The following ACKR2 variants were observed in gnomAD, a reference collection of about 807,000 sequenced individuals.
ACKR2 encodes C-C chemokine receptor D6.
For synonymous variants in ACKR2, 207 were observed against 192.2 expected, an observed-to-expected ratio of 1.08 and a Z score of -0.64; for missense variants, 457 against 477.3, an observed-to-expected ratio of 0.96 and a Z score of 0.40.
intron 2 of ACKR2, among the ~76,000 whole-genome samples, chr3:42,828,092 A>ATATATATTTTTTTTTTTTTTTTTT (rs1193533555): frequency 4.1e-5 from 5 of 121,902 alleles, no homozygotes; most frequent in Non-Finnish European, 5.0e-5. Flanking sequence ...ATATATATAT[A>ATATATATTTTTTTTTTTTTTTTTT]TTTTTTTTTT....
intron 1 of ACKR2, among the ~76,000 whole-genome samples, chr3:42,814,741 T>C (rs1700732001): frequency 6.6e-6 from 1 of 152,186 alleles, no homozygotes; most frequent in East Asian, 1.9e-4. Context: ...GTCCCTGCCA[T>C]GAAATAATTT....
At chr3:42,855,470 G>A (rs531778474) in intron 2 of ACKR2, among the ~76,000 whole-genome samples, 55 of 152,278 alleles carry the variant, frequency 3.6e-4, no homozygotes, top group Non-Finnish European at 6.5e-4. Context: ...GTGATAGGAG[G>A]GAATGGTTGC....
chr3:42,825,333 G>A (rs992617193), intron 2 of ACKR2, among the ~76,000 whole-genome samples: 7 of 152,048 alleles, frequency 4.6e-5, no homozygotes, highest in African/African-American at 7.2e-5. Context: ...CTTCCAATCC[G>A]TGAACATGAA....
In ACKR2 at chr3:42,865,675, T is replaced by C. The variant is rs2088429671; in HGVS notation, c.*18T>C. On this transcript the variant is annotated 3_prime_UTR_variant, in exon 3 of 3. Coordinates refer to ENST00000422265, the MANE Select transcript of ACKR2 (RefSeq NM_001296.5). ...CAGCCTGAGTGACCAAATTTTGGTC[T>C]GGTGGGAACAGATGGGAACCAGCTC... The C allele has an allele frequency of 3.2e-6, 5 of 1,585,050 alleles. No homozygotes were observed. The highest frequency in any genetic ancestry group is 1.7e-5 in the Admixed American group (1 of 58,008).
intron 1 of ACKR2, among the ~76,000 whole-genome samples, chr3:42,817,947 T>C (rs1700770376): frequency 6.6e-6 from 1 of 152,206 alleles, no homozygotes; most frequent in Non-Finnish European, 1.5e-5. Flanking sequence ...CTGTGTCCCT[T>C]AAATATTGGT....
intron 2 of ACKR2, among the ~76,000 whole-genome samples, chr3:42,846,689 G>C (rs956236461): frequency 6.6e-6 from 1 of 152,192 alleles, no homozygotes; most frequent in Non-Finnish European, 1.5e-5. Flanking sequence ...AGCCTCAGGT[G>C]GTGGAGTCTT....
Position 42,865,324 on chromosome 3 carries a change from G to C in ACKR2, c.822G>C (p.Thr274=), listed in dbSNP as rs1056643270. ...FPYNLTLFLH[T]LLDLQVFGNC... ...ACAATCTCACCTTGTTTCTGCATAC[G>C]CTGTTGGACCTGCAAGTATTCGGGA... The change falls in exon 3 of 3, where the codon ACG becomes ACC. Residue 274 remains threonine (T), a synonymous_variant. Coordinates refer to ENST00000422265, the MANE Select transcript of ACKR2 (RefSeq NM_001296.5). The C allele has an allele frequency of 7.4e-6, 12 of 1,614,146 alleles. No homozygotes were observed. The highest frequency in any genetic ancestry group is 9.3e-6 in the Non-Finnish European group (11 of 1,180,026).
intron 2 of ACKR2, among the ~76,000 whole-genome samples, chr3:42,846,896 G>A (rs532737501): frequency 3.4e-4 from 52 of 152,336 alleles, no homozygotes; most frequent in Middle Eastern, 3.4e-3. Flanking sequence ...CAGATCTGAG[G>A]TGGAGGGGCT....
At chr3:42,828,440 G>C (rs1700895462) in intron 2 of ACKR2, among the ~76,000 whole-genome samples, 1 of 152,090 alleles carries the variant, frequency 6.6e-6, no homozygotes, top group Admixed American at 6.6e-5. Context: ...TTTCAGATAA[G>C]GAAAGTCAGA....
intron 2 of ACKR2, among the ~76,000 whole-genome samples, chr3:42,836,569 G>C (rs1036226059): frequency 6.6e-6 from 1 of 152,186 alleles, no homozygotes; most frequent in South Asian, 2.1e-4. Flanking sequence ...GTGGCGTTCT[G>C]TTGACCATTG....
intron 1 of ACKR2, among the ~76,000 whole-genome samples, chr3:42,818,053 T>C (rs1700771269): frequency 6.6e-6 from 1 of 152,196 alleles, no homozygotes; most frequent in African/African-American, 2.4e-5. Context: ...CTCATCTGTA[T>C]GCTGATGTTC....
intron 2 of ACKR2, among the ~76,000 whole-genome samples, chr3:42,844,499 G>T (rs557653211): frequency 3.9e-5 from 6 of 152,286 alleles, no homozygotes; most frequent in African/African-American, 1.4e-4. Context: ...ATGCTGCACT[G>T]GTGGGCAGGG....
Position 42,852,663 on chromosome 3 carries a change from CTT to C in ACKR2, c.-37-11801_-37-11800del, listed in dbSNP as rs1008252323. On this transcript the variant is annotated intron_variant, in intron 2 of 2. Transcript: ENST00000422265. The surrounding 1 kb of genome is among the most constrained non-coding windows in gnomAD (Gnocchi z 4.3). ...ACAAGGCCACTCCCTTCCAGCCAGA[CTT>C]TGTGTAATCTGGTGTACCAGACGTG... is the stretch of plus-strand genomic sequence containing the variant. 1.3e-5 allele frequency among the ~76,000 whole-genome samples: 2 copies of C among 152,148 alleles called. No individual in the cohort carries two copies. The highest frequency in any genetic ancestry group is 2.9e-5 in the Non-Finnish European group (2 of 68,020).
chr3:42,832,732 C>T (rs1433111132), intron 2 of ACKR2, among the ~76,000 whole-genome samples: 1 of 152,080 alleles, frequency 6.6e-6, no homozygotes, highest in African/African-American at 2.4e-5. Flanking sequence ...GTCTCACTGT[C>T]GACCAGGCTG....
Position 42,866,581 on chromosome 3 carries a change from T to C in ACKR2, c.*924T>C, listed in dbSNP as rs1045260745. 5 of 167,126 alleles carry C rather than the reference T, an allele frequency of 3.0e-5. No individual in the cohort carries two copies. Among genetic ancestry groups the C allele is most frequent in the African/African-American group, 1.2e-4 (5 of 41,458 alleles). 10.4% of individuals were successfully genotyped at this position (167,126 alleles called of 1,614,324 possible). A position where few individuals can be genotyped will look rare whatever the true frequency, so the allele number is the denominator to read the frequency against. On this transcript the variant is annotated 3_prime_UTR_variant, in exon 3 of 3. Coordinates refer to ENST00000422265, the MANE Select transcript of ACKR2 (RefSeq NM_001296.5). ...CCCCTGTCCTTCCTCTCTCTTGCTC[T>C]CCTCCCATCTCATCTGCACCTAGCA... is the stretch of plus-strand genomic sequence containing the variant.
chr3:42,842,842 G>A (rs900440202), intron 2 of ACKR2, among the ~76,000 whole-genome samples: 4 of 151,770 alleles, frequency 2.6e-5, no homozygotes, highest in Non-Finnish European at 4.4e-5. Context: ...AATTAGCCAG[G>A]TGTGGTGGTG....
At chr3:42,844,310 T>G (rs999126775) in intron 2 of ACKR2, among the ~76,000 whole-genome samples, 1 of 152,084 alleles carries the variant, frequency 6.6e-6, no homozygotes, top group African/African-American at 2.4e-5. Flanking sequence ...CAGCTTCCCC[T>G]GTGGGTGGTT....
intron 2 of ACKR2, among the ~76,000 whole-genome samples, chr3:42,859,687 A>G (rs1328947392): frequency 6.6e-6 from 1 of 152,056 alleles, no homozygotes. Context: ...GGCCTTCAAC[A>G]TTCTTAAAGA....
Position 42,865,458 on chromosome 3 carries a change from T to A in ACKR2, c.956T>A (p.Phe319Tyr). The A allele has an allele frequency of 2.5e-6, 4 of 1,614,144 alleles. No homozygotes were observed. Among genetic ancestry groups the A allele is most frequent in the Non-Finnish European group, 3.4e-6 (4 of 1,180,034 alleles). The change falls in exon 3 of 3, where the codon TTC becomes TAC. Residue 319 changes from phenylalanine to tyrosine, a missense_variant. Phe to Tyr is a conservative substitution (Grantham distance 22). Transcript: ENST00000422265. The stretch of plus-strand genomic sequence containing the variant: ...CTGTATGCCTTCTCCAGTCACCGCT[T>A]CCGCCAGTACCTGAAGGCTTTCCTG... ...PILYAFSSHR[F>Y]RQYLKAFLAA...
Sources: gnomAD v4.1 joint callset for allele counts (sites outside exome capture counted in the v4.1 genomes callset) on GRCh38, gnomAD v4.1.1 for gene constraint, Gnocchi (gnomAD v3.1) non-coding constraint, MANE v1.5 for transcripts, NCBI Gene and HGNC (gene_info 2026-07-23, HGNC 2026-07-21) for gene names.